The following C2orf78 variants were observed in gnomAD, a reference collection of about 807,000 sequenced individuals.
The protein encoded by C2orf78 is uncharacterized protein C2orf78.
A neutral mutation model predicts 21.4 loss-of-function variants in C2orf78; 12 were observed. That is an observed-to-expected ratio of 0.56 (90% CI 0.36 to 0.91). The LOEUF (loss-of-function observed/expected upper bound fraction) is 0.91. C2orf78 is among the 40% of genes least tolerant of loss of function. The probability of loss-of-function intolerance (pLI) is 0.01; values close to 1 mark genes in which losing one functional copy is unlikely to be tolerated. For synonymous variants in C2orf78, 396 were observed against 413.9 expected, an observed-to-expected ratio of 0.96 and a Z score of 0.52; for missense variants, 1,042 against 1,092.4, an observed-to-expected ratio of 0.95 and a Z score of 0.65.
chr2:73,811,317 C>T (rs1673084535), intron 1 of C2orf78, among the ~76,000 whole-genome samples: 1 of 151,872 alleles, frequency 6.6e-6, no homozygotes, highest in South Asian at 2.1e-4. Context: ...AATGTTGCTT[C>T]CTACAAACAA....
exon 3 of C2orf78, chr2:73,815,690 A>C: frequency 6.2e-7 from 1 of 1,613,948 alleles, no homozygotes; most frequent in Non-Finnish European, 8.5e-7. Flanking sequence ...AGGAAAAGTC[A>C]TGTGTCATAA....
chr2:73,814,927 T>A, intron 2 of C2orf78, 144 bp from the exon 3 acceptor site: 1 of 694,642 alleles, frequency 1.4e-6, no homozygotes, highest in Non-Finnish European at 2.4e-6. Flanking sequence ...GCCAATCTCC[T>A]AATACAGGGT....
intron 1 of C2orf78, among the ~76,000 whole-genome samples, chr2:73,786,112 G>C (rs1672926089): frequency 1.3e-5 from 2 of 151,936 alleles, no homozygotes; most frequent in Non-Finnish European, 2.9e-5. Flanking sequence ...GGGTGCGGTG[G>C]CTCACACCTG....
exon 3 of C2orf78, chr2:73,817,044 A>G: frequency 6.8e-7 from 1 of 1,471,544 alleles, no homozygotes; most frequent in Non-Finnish European, 9.0e-7. Context: ...CCACATATAT[A>G]GATAGATACT....
At chr2:73,815,395 A>G (rs779493089) in exon 3 of C2orf78, 2 of 1,613,874 alleles carry the variant, frequency 1.2e-6, no homozygotes, top group Non-Finnish European at 1.7e-6. Context: ...CTTCCTGTAG[A>G]AATCCCCGAT....
exon 3 of C2orf78, chr2:73,816,805 C>T: frequency 6.2e-7 from 1 of 1,614,038 alleles, no homozygotes; most frequent in Non-Finnish European, 8.5e-7. Flanking sequence ...AGGAAACCCA[C>T]TGTTCCTGAG....
At chr2:73,809,998 A>T (rs1673044014) in intron 1 of C2orf78, among the ~76,000 whole-genome samples, 2 of 152,286 alleles carry the variant, frequency 1.3e-5, no homozygotes, top group Admixed American at 6.5e-5. Flanking sequence ...AAAATAAAAA[A>T]ATATATTTTA....
At chr2:73,814,936 G>T in intron 2 of C2orf78, 135 bp from the exon 3 acceptor site, 1 of 738,866 alleles carries the variant, frequency 1.4e-6, no homozygotes, top group Non-Finnish European at 2.2e-6. Flanking sequence ...CTAATACAGG[G>T]TCTTGCCCAT....
chr2:73,816,152 G>A, exon 3 of C2orf78: 5 of 1,613,918 alleles, frequency 3.1e-6, no homozygotes, highest in Non-Finnish European at 4.2e-6. Context: ...TCGGGAAAAA[G>A]ATCGATATGA....
chr2:73,808,395 A>C (rs1295763818), intron 1 of C2orf78, among the ~76,000 whole-genome samples: 3 of 151,252 alleles, frequency 2.0e-5, no homozygotes, highest in Non-Finnish European at 4.4e-5. Flanking sequence ...CTGTATAATT[A>C]TAAATGCATA....
intron 1 of C2orf78, among the ~76,000 whole-genome samples, chr2:73,810,296 C>T (rs372943990): frequency 4.6e-5 from 7 of 151,508 alleles, no homozygotes; most frequent in African/African-American, 7.3e-5. Flanking sequence ...TTTGGGAGGC[C>T]GAGGTGGGCT....
exon 3 of C2orf78, chr2:73,816,284 T>G: frequency 6.2e-7 from 1 of 1,613,778 alleles, no homozygotes. Context: ...CGGAGAAAAT[T>G]CAAGTCAAGG....
At chr2:73,814,018 C>T (rs936604040) in exon 2 of C2orf78, 3 of 1,614,026 alleles carry the variant, frequency 1.9e-6, no homozygotes, top group East Asian at 4.5e-5. Flanking sequence ...AGGTCTATTA[C>T]TATAATCAAG....
At chr2:73,816,106 T>G (rs369190748) in exon 3 of C2orf78, 4 of 1,613,822 alleles carry the variant, frequency 2.5e-6, no homozygotes, top group Non-Finnish European at 3.4e-6. Context: ...TCCCTAGGCA[T>G]GCACATGCTA....
At chr2:73,816,754 A>T (rs1434479498) in exon 3 of C2orf78, 1 of 1,613,844 alleles carries the variant, frequency 6.2e-7, no homozygotes, top group South Asian at 1.1e-5. Flanking sequence ...CCTCAAAATC[A>T]ATTTCTAATC....
intron 2 of C2orf78, among the ~76,000 whole-genome samples, chr2:73,814,541 T>A (rs1673154041): frequency 6.6e-6 from 1 of 152,224 alleles, no homozygotes; most frequent in Admixed American, 6.5e-5. Context: ...AATCTATTAC[T>A]TTAGTCTCTT....
chr2:73,811,663 C>T (rs924459616), intron 1 of C2orf78, among the ~76,000 whole-genome samples: 3 of 152,118 alleles, frequency 2.0e-5, no homozygotes, highest in Admixed American at 6.6e-5. Context: ...TTCTGGAGTC[C>T]TTTGAACTTT....
chr2:73,785,680 T>C (rs923919285), intron 1 of C2orf78, among the ~76,000 whole-genome samples: 3 of 152,082 alleles, frequency 2.0e-5, no homozygotes, highest in Non-Finnish European at 2.9e-5. Flanking sequence ...AGAAGTCATA[T>C]TCAGTCACTT....
intron 1 of C2orf78, among the ~76,000 whole-genome samples, chr2:73,807,932 G>T (rs955413317): frequency 6.6e-6 from 1 of 150,886 alleles, no homozygotes; most frequent in African/African-American, 2.5e-5. Context: ...TACAAAAGAG[G>T]GTTCTTTAAT....
Sources: allele counts gnomAD v4.1 joint callset (sites outside exome capture counted in the v4.1 genomes callset), GRCh38; gene constraint gnomAD v4.1.1; transcripts MANE v1.5; gene names NCBI Gene and HGNC (gene_info 2026-07-23, HGNC 2026-07-21).